The following CCDC33 variants were observed in gnomAD, a reference collection of about 807,000 sequenced individuals.
The protein encoded by CCDC33 is coiled-coil domain-containing protein 33.
In CCDC33, 94 loss-of-function variants were observed where a neutral mutation model predicts 91.9. That is an observed-to-expected ratio of 1.02 (90% CI 0.87 to 1.21). CCDC33 has a LOEUF of 1.21. Among genes scored for constraint, CCDC33 ranks in the 50% most tolerant of loss-of-function variants. The pLI is 0.00. For missense variants in CCDC33, 940 were observed against 935.5 expected (o/e 1.00, Z -0.06); for synonymous variants, 396 against 374.5 (o/e 1.06, Z -0.66).
At chr15:74,268,953 G>A (rs917588626) in intron 5 of CCDC33, among the ~76,000 whole-genome samples, 1 of 152,240 alleles carries the variant, frequency 6.6e-6, no homozygotes, top group Non-Finnish European at 1.5e-5. Context: ...GGTTTGACTG[G>A]TCTGGCGATT....
chr15:74,241,742 G>A (rs1001385037), intron 1 of CCDC33, among the ~76,000 whole-genome samples: 1 of 152,230 alleles, frequency 6.6e-6, no homozygotes, highest in African/African-American at 2.4e-5. Context: ...GGACCTGAGT[G>A]CTGACCTGAG....
At chr15:74,309,941 A>G (rs1337681884) in intron 11 of CCDC33, among the ~76,000 whole-genome samples, 1 of 152,004 alleles carries the variant, frequency 6.6e-6, no homozygotes, top group Non-Finnish European at 1.5e-5. Context: ...TGAGACCAGG[A>G]GCTTGAGACC....
chr15:74,253,166 C>T (rs1171197461), intron 2 of CCDC33, among the ~76,000 whole-genome samples: 2 of 152,196 alleles, frequency 1.3e-5, no homozygotes, highest in Admixed American at 1.3e-4. Flanking sequence ...CCAGAGGGGG[C>T]CTTCCTGGTG....
intron 10 of CCDC33, among the ~76,000 whole-genome samples, chr15:74,287,380 C>T (rs2959013): frequency 0.61 from 92,395 of 152,100 alleles, 33,324 homozygotes; most frequent in Non-Finnish European, 0.82. Flanking sequence ...CCTCTGCCCT[C>T]CTATCCTCTC....
At chr15:74,236,837 G>C (rs1160719564) in intron 1 of CCDC33, 97 bp downstream of exon 1, 7 of 1,234,696 alleles carry the variant, frequency 5.7e-6, no homozygotes, top group Non-Finnish European at 8.1e-6. Flanking sequence ...CATGACAAAA[G>C]CTTCCCTTCC....
chr15:74,310,717 A>G (rs923639492), intron 11 of CCDC33, among the ~76,000 whole-genome samples: 1 of 152,020 alleles, frequency 6.6e-6, no homozygotes, highest in African/African-American at 2.4e-5. Flanking sequence ...CTGGATTTCC[A>G]TTACCTGAGC....
intron 11 of CCDC33, among the ~76,000 whole-genome samples, chr15:74,328,720 C>G (rs1271747351): frequency 6.6e-6 from 1 of 152,178 alleles, no homozygotes; most frequent in Admixed American, 6.5e-5. Flanking sequence ...CAGGAGACCC[C>G]TGCTCTCGAA....
intron 1 of CCDC33, among the ~76,000 whole-genome samples, chr15:74,238,774 G>T (rs969816692): frequency 1.3e-5 from 2 of 152,110 alleles, no homozygotes; most frequent in Non-Finnish European, 2.9e-5. Flanking sequence ...ATGAGTTCAG[G>T]GGGGCATCCA....
At chr15:74,330,464 T>G (rs1432255632) in intron 12 of CCDC33, 110 bp downstream of exon 12, 1 of 1,305,798 alleles carries the variant, frequency 7.7e-7, no homozygotes, top group African/African-American at 1.5e-5. Flanking sequence ...GCTGCTGGAC[T>G]CTGGCAAATA....
intron 10 of CCDC33, among the ~76,000 whole-genome samples, chr15:74,289,746 C>T (rs2059550127): frequency 6.6e-6 from 1 of 151,860 alleles, no homozygotes; most frequent in African/African-American, 2.4e-5. Flanking sequence ...GAGATGGTGC[C>T]ACTACACCCC....
upstream of CCDC33, among the ~76,000 whole-genome samples, chr15:74,234,003 G>A (rs2075065380): frequency 6.6e-6 from 1 of 152,172 alleles, no homozygotes; most frequent in Admixed American, 6.5e-5. Flanking sequence ...CATTGCATGG[G>A]TAGTTTGTCC....
Position 74,271,805 on chromosome 15 carries a change from C to T in CCDC33, c.638+11C>T, listed in dbSNP as rs2076325056. Reference sequence around the variant, plus strand: ...CTACAAGGAATTTAAGTGAGTGGGGCCCAGGTGGACCTGGGTGAGGAGGGC... The same window carrying T: ...CTACAAGGAATTTAAGTGAGTGGGGTCCAGGTGGACCTGGGTGAGGAGGGC... On this transcript the variant is annotated intron_variant, in intron 6 of 18. Coordinates refer to ENST00000398814, the MANE Select transcript of CCDC33 (RefSeq NM_025055.5). 2 of 1,609,504 alleles carry T rather than the reference C, an allele frequency of 1.2e-6. No homozygotes were observed. Among genetic ancestry groups the T allele is most frequent in the African/African-American group, 2.7e-5 (2 of 74,914 alleles).
intron 11 of CCDC33, among the ~76,000 whole-genome samples, chr15:74,320,302 C>A (rs2060179805): frequency 6.6e-6 from 1 of 152,144 alleles, no homozygotes; most frequent in Admixed American, 6.5e-5. Context: ...TCCACACCTT[C>A]CCTCAGTGTT....
intron 10 of CCDC33, among the ~76,000 whole-genome samples, chr15:74,286,517 C>A (rs79781793): frequency 1.3e-5 from 2 of 152,258 alleles, no homozygotes; most frequent in East Asian, 3.9e-4. Context: ...CCCAGGTTTC[C>A]TGGGCTGACC....
chr15:74,331,146 T>C, intron 14 of CCDC33, 34 bp downstream of exon 14: 1 of 1,613,658 alleles, frequency 6.2e-7, no homozygotes, highest in Non-Finnish European at 8.5e-7. Flanking sequence ...CGAGGCCAAC[T>C]GATGATGGCA....
chr15:74,233,624 C>T (rs975409144), upstream of CCDC33, among the ~76,000 whole-genome samples: 9 of 152,126 alleles, frequency 5.9e-5, no homozygotes, highest in African/African-American at 2.2e-4. Flanking sequence ...ACTGAAGTCA[C>T]TGCCACCCAG....
Position 74,295,757 on chromosome 15 carries a change from C to A in CCDC33, c.1099C>A (p.Pro367Thr). The A allele has an allele frequency of 6.2e-7, 1 of 1,611,374 alleles. No individual in the cohort carries two copies. The change falls in exon 11 of 19, where the codon CCA becomes ACA. Residue 367 changes from proline to threonine, a missense_variant. Coordinates refer to ENST00000398814, the MANE Select transcript of CCDC33 (RefSeq NM_025055.5). ...TCTCTGCACCTTCTCTTCTCAGAGACCAGAAAACTTCTTGACACCAAACAA... is the reference window on the plus strand; with the variant it reads ...TCTCTGCACCTTCTCTTCTCAGAGAACAGAAAACTTCTTGACACCAAACAA... Reference protein sequence around the residue: ...LSFQLLSSERPENFLTPNNSK... With the variant: ...LSFQLLSSERTENFLTPNNSK...
intron 2 of CCDC33, among the ~76,000 whole-genome samples, chr15:74,261,895 C>A (rs113063980): frequency 0.019 from 2,956 of 152,312 alleles, 95 homozygotes; most frequent in African/African-American, 0.067. Context: ...ACACAGCAGG[C>A]ATCTCAGAAG....
At chr15:74,298,709 CTT>C (rs35450110) in intron 11 of CCDC33, among the ~76,000 whole-genome samples, 1,297 of 75,586 alleles carry the variant, frequency 0.017, 20 homozygotes, top group African/African-American at 0.067. Context: ...CTAATTCTGC[CTT>C]TTTTTTTTTT....
Sources: allele counts gnomAD v4.1 joint callset (sites outside exome capture counted in the v4.1 genomes callset), GRCh38; gene constraint gnomAD v4.1.1; transcripts MANE v1.5; gene names NCBI Gene and HGNC (gene_info 2026-07-23, HGNC 2026-07-21).